Variants in GMPR2 observed in about 807,000 individuals in gnomAD.
The protein encoded by GMPR2 is GMP reductase 2.
GMPR2 carries 32 observed loss-of-function variants against 38.5 expected under a neutral mutation model. The ratio of observed to expected loss-of-function variants is 0.83; its 90% CI spans 0.63 to 1.12. The LOEUF is 1.12. GMPR2 is among the 50% of genes most tolerant of loss of function. The pLI is 0.00. For synonymous variants in GMPR2, 154 were observed against 151.0 expected, an observed-to-expected ratio of 1.02 and a Z score of -0.15; for missense variants, 396 against 432.1, an observed-to-expected ratio of 0.92 and a Z score of 0.74.
rs779150279 is a variant in GMPR2, at chr14:24,235,745, C to T, written c.216C>T (p.Leu72=). The T allele has an allele frequency of 3.7e-5, 60 of 1,610,768 alleles. No individual in the cohort carries two copies. Among genetic ancestry groups the T allele is most frequent in the Non-Finnish European group, 5.1e-5 (60 of 1,176,996 alleles). The change falls in exon 4 of 10, where the codon CTC becomes CTT. Residue 72 remains leucine (L), a synonymous_variant. Coordinates refer to ENST00000399440, the MANE Select transcript of GMPR2 (RefSeq NM_001002002.3). The stretch of plus-strand genomic sequence containing the variant: ...CTTTGTCTTCTCCCCAGTTCTCTCT[C>T]TTCACTGCTGTCCATAAGCACTATA... ...EMAKVLCKFS[L]FTAVHKHYSL... is the part of the protein sequence containing the mutation.
intron 4 of GMPR2, 62 bp from the exon 5 acceptor site, chr14:24,235,905 A>G (rs1566680628): frequency 7.6e-6 from 12 of 1,587,812 alleles, no homozygotes; most frequent in African/African-American, 5.4e-5. Context: ...GCACTCACCA[A>G]TGACCCACTG....
In GMPR2 at chr14:24,238,685, T is replaced by C. The variant is rs1230796667; in HGVS notation, c.954T>C (p.Tyr318=). ...GAGGGATCCGCTCTACGTGTACCTA[T>C]GTGGGAGCAGCTAAGCTCAAAGAGT... is the stretch of plus-strand genomic sequence containing the variant. ...ILGGIRSTCT[Y]VGAAKLKELS... The change falls in exon 10 of 10, where the codon TAT becomes TAC. Residue 318 remains tyrosine (Y), a synonymous_variant. Transcript: ENST00000399440. 1.9e-6 allele frequency: 3 copies of C among 1,613,888 alleles called. No individual in the cohort carries two copies. Among genetic ancestry groups the C allele is most frequent in the Admixed American group, 3.3e-5 (2 of 60,016 alleles).
chr14:24,239,117 G>A lies in GMPR2; in HGVS notation c.*339G>A, dbSNP rs2040493747. The A allele has an allele frequency of 2.3e-6, 1 of 428,512 alleles. No homozygotes were observed. The highest frequency in any genetic ancestry group is 4.6e-6 in the Non-Finnish European group (1 of 218,654). The allele number at this position is 428,512 out of a possible 1,614,324, so 26.5% of individuals were successfully genotyped here. The stretch of plus-strand genomic sequence containing the variant: ...TTTTACATGGCCTTGGTCTAGAGGA[G>A]GCAGGCTTTTAGAATCATGTTTTGT... On this transcript the variant is annotated 3_prime_UTR_variant, in exon 10 of 10. Transcript: ENST00000399440.
chr14:24,233,985 C>A, intron 3 of GMPR2: 2 of 686,970 alleles, frequency 2.9e-6, no homozygotes, highest in Non-Finnish European at 4.4e-6. Context: ...ACAGTTTAAG[C>A]ATTCAAAAAT....
rs762422786 is a variant in GMPR2, at chr14:24,237,104, G to A, written c.499G>A (p.Glu167Lys). 1.9e-6 allele frequency: 3 copies of A among 1,613,580 alleles called. No individual in the cohort carries two copies. The Admixed American group carries it at 5.0e-5, about 27-fold the overall frequency. ...TGTGGTAACAGGAGAGATGGTAGAA[G>A]AGCTCATCCTTTCTGGGGCTGACAT... Reference protein sequence around the residue: ...GNVVTGEMVEELILSGADIIK... With the variant: ...GNVVTGEMVEKLILSGADIIK... Residue 167 changes from glutamate (E) to lysine (K), a missense_variant, in exon 6 of 10, where the codon GAG becomes AAG. Transcript: ENST00000399440.
chr14:24,232,919 CTAA>C, upstream of GMPR2: 1 of 442,764 alleles, frequency 2.3e-6, no homozygotes, highest in South Asian at 3.1e-5. Context: ...CTTCGTTCCC[CTAA>C]ATCAGCCTCT....
Position 24,237,232 on chromosome 14 carries a change from A to G in GMPR2, c.548-13A>G, listed in dbSNP as rs748092061. On this transcript the variant is annotated splice_polypyrimidine_tract_variant and intron_variant, in intron 6 of 9. Coordinates refer to ENST00000399440, the MANE Select transcript of GMPR2 (RefSeq NM_001002002.3). ...GGAGCACGTCATTCTTACCCTTATC[A>G]TGTTCTTCCTAGGCTCTGTGTGTAC... is the stretch of plus-strand genomic sequence containing the variant. 7.6e-6 allele frequency: 12 copies of G among 1,583,930 alleles called. No homozygotes were observed. The highest frequency in any genetic ancestry group is 8.7e-6 in the Non-Finnish European group (10 of 1,152,558).
At position 24,232,974 on chromosome 14, in the gene GMPR2, C is replaced by A. The variant is rs1370446278; in HGVS notation, c.-39C>A. 3.5e-6 allele frequency: 2 copies of A among 563,886 alleles called. No homozygotes were observed. Among genetic ancestry groups the A allele is most frequent in the Non-Finnish European group, 6.4e-6 (2 of 314,200 alleles). 34.9% of individuals were successfully genotyped at this position (563,886 alleles called of 1,614,324 possible). A position where few individuals can be genotyped will look rare whatever the true frequency, so the allele number is the denominator to read the frequency against. On this transcript the variant is annotated 5_prime_UTR_variant, in exon 1 of 10. Transcript: ENST00000399440. ...GCAGGGGTAGAAGAAGGAAGTGTAGCGGGGTAAGGAATGCACCGTCAGGGT... is the reference window on the plus strand; with the variant it reads ...GCAGGGGTAGAAGAAGGAAGTGTAGAGGGGTAAGGAATGCACCGTCAGGGT...
chr14:24,233,888 C>T (rs2040206489), intron 3 of GMPR2: 1 of 541,628 alleles, frequency 1.8e-6, no homozygotes, highest in Non-Finnish European at 3.2e-6. Context: ...CTTTTCCCAC[C>T]ACCCAGGTCA....
At position 24,238,802 on chromosome 14, in the gene GMPR2, A is replaced by G. The variant is rs959104465; in HGVS notation, c.*24A>G. On this transcript the variant is annotated 3_prime_UTR_variant, in exon 10 of 10. Transcript: ENST00000399440. ...AGACCTGAGCAGTTCTACCCTCCCA[A>G]GGCACCAGTACTCTACCATGGGGCA... The G allele has an allele frequency of 6.2e-7, 1 of 1,600,474 alleles. No homozygotes were observed. Among genetic ancestry groups the G allele is most frequent in the Non-Finnish European group, 8.5e-7 (1 of 1,173,212 alleles).
In GMPR2 at chr14:24,238,785, GCAGT is replaced by G. The variant is rs1566362135; in HGVS notation, c.*8_*11del. 1.2e-6 allele frequency: 2 copies of G among 1,609,906 alleles called. No homozygotes were observed. The highest frequency in any genetic ancestry group is 1.7e-6 in the Non-Finnish European group (2 of 1,178,934). ...CTTCAGTGAGGCGTGCTAGACCTGAGCAGTTCTACCCTCCCAAGGCACCAGTACT... is the reference window on the plus strand; with the variant it reads ...CTTCAGTGAGGCGTGCTAGACCTGAGTCTACCCTCCCAAGGCACCAGTACT... On this transcript the variant is annotated 3_prime_UTR_variant, in exon 10 of 10. Transcript: ENST00000399440.
rs759428186 is a variant in GMPR2, at chr14:24,235,820, G to C, written c.291G>C (p.Glu97Asp). The C allele has an allele frequency of 1.2e-6, 2 of 1,610,630 alleles. No individual in the cohort carries two copies. The highest frequency in any genetic ancestry group is 3.3e-5 in the Admixed American group (2 of 60,020). The change falls in exon 4 of 10, where the codon GAG (glutamate) becomes GAC (aspartate). Residue 97 changes from glutamate (E) to aspartate (D), a missense_variant and splice_region_variant. Coordinates refer to ENST00000399440, the MANE Select transcript of GMPR2 (RefSeq NM_001002002.3). ...EFAGQNPDCL[E>D]HLAASSGTGS... ...CTGGCCAGAATCCTGACTGTCTTGAGGTAACACTGGGCATACCCTGCTCCC... is the reference window on the plus strand; with the variant it reads ...CTGGCCAGAATCCTGACTGTCTTGACGTAACACTGGGCATACCCTGCTCCC...
At chr14:24,236,595 A>G (rs947477559) in intron 5 of GMPR2, among the ~76,000 whole-genome samples, 1 of 152,216 alleles carries the variant, frequency 6.6e-6, no homozygotes, top group Non-Finnish European at 1.5e-5. Flanking sequence ...AGCCTATACT[A>G]CCATGCCTTC....
At position 24,238,870 on chromosome 14, in the gene GMPR2, T is replaced by C. The variant is rs760075732; in HGVS notation, c.*92T>C. 9.6e-7 allele frequency: 1 copy of C among 1,042,628 alleles called. No individual in the cohort carries two copies. The highest frequency in any genetic ancestry group is 1.3e-5 in the South Asian group (1 of 76,540). 64.6% of individuals were successfully genotyped at this position (1,042,628 alleles called of 1,614,324 possible). A position where few individuals can be genotyped will look rare whatever the true frequency, so the allele number is the denominator to read the frequency against. ...ACCCATCCCAGCTACTGCAGCTCTG[T>C]ATTACTTTGTCATTTCCTGTTGTCT... On this transcript the variant is annotated 3_prime_UTR_variant, in exon 10 of 10. Transcript: ENST00000399440.
Position 24,238,598 on chromosome 14 carries a change from G to A in GMPR2, c.867G>A (p.Glu289=). 1 of 1,614,144 alleles carries A rather than the reference G, an allele frequency of 6.2e-7. No individual in the cohort carries two copies. The highest frequency in any genetic ancestry group is 8.5e-7 in the Non-Finnish European group (1 of 1,180,006). ...AGGVAEYRAS[E]GKTVEVPFKG... ...TTTTTCCTACTTTAAGAGCCTCAGA[G>A]GGAAAGACAGTGGAAGTTCCTTTTA... Residue 289 remains glutamate, a synonymous_variant, in exon 10 of 10, where the codon GAG becomes GAA. Transcript: ENST00000399440.
rs1321472109 is a variant in GMPR2 at position 24,238,595 on chromosome 14, A to G, written c.864A>G (p.Ser288=). Residue 288 remains serine (S), a synonymous_variant, in exon 10 of 10, where the codon TCA becomes TCG. Coordinates refer to ENST00000399440, the MANE Select transcript of GMPR2 (RefSeq NM_001002002.3). ...YAGGVAEYRA[S]EGKTVEVPFK... is the part of the protein sequence containing the mutation. ...AAGTTTTTCCTACTTTAAGAGCCTC[A>G]GAGGGAAAGACAGTGGAAGTTCCTT... 1.2e-6 allele frequency: 2 copies of G among 1,614,164 alleles called. No individual in the cohort carries two copies. Among genetic ancestry groups the G allele is most frequent in the Non-Finnish European group, 1.7e-6 (2 of 1,179,990 alleles).
At chr14:24,236,513 C>A (rs1254451244) in intron 5 of GMPR2, among the ~76,000 whole-genome samples, 4 of 152,190 alleles carry the variant, frequency 2.6e-5, no homozygotes, top group African/African-American at 9.7e-5. Flanking sequence ...GAGTGGCCTT[C>A]ATTTTCTTCG....
rs1304034310 is a variant in GMPR2 at position 24,233,767 on chromosome 14, A to G, written c.207+169A>G. ...CTGAAGCCCTTTATCTGATAAGTTC[A>G]AAAGGCCATCTGAATTAGTGAGATT... is the stretch of plus-strand genomic sequence containing the variant. On this transcript the variant is annotated intron_variant, in intron 3 of 9. Transcript: ENST00000399440. 6.9e-6 allele frequency: 5 copies of G among 728,394 alleles called. No homozygotes were observed. The East Asian group carries it at 1.3e-4, about 19-fold the overall frequency. The allele number at this position is 728,394 out of a possible 1,614,324, so 45.1% of individuals were successfully genotyped here.
At chr14:24,237,016 C>A in intron 5 of GMPR2, 55 bp from the exon 6 acceptor site, 1 of 1,291,920 alleles carries the variant, frequency 7.7e-7, no homozygotes, top group South Asian at 1.2e-5. Flanking sequence ...CGTAACAATA[C>A]ATGACCTCCT....
Sources: gnomAD v4.1 joint callset for allele counts (sites outside exome capture counted in the v4.1 genomes callset) on GRCh38, gnomAD v4.1.1 for gene constraint, MANE v1.5 for transcripts, NCBI Gene and HGNC (gene_info 2026-07-23, HGNC 2026-07-21) for gene names.